The following FMN2 variants were observed in gnomAD, a reference collection of about 807,000 sequenced individuals.
FMN2 encodes formin 2.
A neutral mutation model predicts 142.3 loss-of-function variants in FMN2; 51 were observed. The observed-to-expected ratio is 0.36, with a 90% CI of 0.29 to 0.45. The LOEUF is 0.45. Among genes scored for constraint, FMN2 ranks in the 20% least tolerant of loss-of-function variants. The probability of loss-of-function intolerance (pLI) is 1.00; values close to 1 mark genes in which losing one functional copy is unlikely to be tolerated. For synonymous variants in FMN2, 882 were observed against 869.8 expected (o/e 1.01, Z -0.25); for missense variants, 1,936 against 2,122.8 (o/e 0.91, Z 1.73).
intron 8 of FMN2, among the ~76,000 whole-genome samples, chr1:240,319,790 A>G (rs1670908610): frequency 6.6e-6 from 1 of 151,900 alleles, no homozygotes; most frequent in African/African-American, 2.4e-5. Flanking sequence ...GAATGAGCCT[A>G]TTTCAGCATT....
At chr1:240,342,855 T>C (rs1243940658) in intron 13 of FMN2, among the ~76,000 whole-genome samples, 1 of 152,146 alleles carries the variant, frequency 6.6e-6, no homozygotes, top group Non-Finnish European at 1.5e-5. Context: ...ATAACCACTA[T>C]ACAGTATACA....
At chr1:240,452,967 T>C (rs1372559658) in intron 16 of FMN2, among the ~76,000 whole-genome samples, 2 of 152,156 alleles carry the variant, frequency 1.3e-5, no homozygotes, top group African/African-American at 2.4e-5. Context: ...AGCACGTGCT[T>C]GTAGGTTAAA....
At chr1:240,456,707 C>T (rs893694510) in intron 16 of FMN2, among the ~76,000 whole-genome samples, 11 of 152,192 alleles carry the variant, frequency 7.2e-5, no homozygotes, top group Non-Finnish European at 5.9e-5. Flanking sequence ...TCACACACCT[C>T]GGCCTCCCAA....
At chr1:240,254,603 G>T (rs1668389840) in intron 6 of FMN2, among the ~76,000 whole-genome samples, 2 of 152,086 alleles carry the variant, frequency 1.3e-5, no homozygotes, top group Admixed American at 1.3e-4. Flanking sequence ...ACTGTGTGGT[G>T]GCCCTGAGGC....
intron 2 of FMN2, among the ~76,000 whole-genome samples, chr1:240,135,127 G>A (rs761127160): frequency 7.9e-5 from 12 of 152,172 alleles, no homozygotes; most frequent in East Asian, 3.8e-4. Flanking sequence ...AGAATGAATC[G>A]TTTTGCTTTC....
At chr1:240,253,620 G>GCTGGAGAATTATTATGTTC in intron 6 of FMN2, among the ~76,000 whole-genome samples, 2 of 152,094 alleles carry the variant, frequency 1.3e-5, no homozygotes, top group African/African-American at 4.8e-5. Flanking sequence ...GGAATTTGTT[G>GCTGGAGAATTATTATGTTC]CTGGAGAATT....
At chr1:240,375,396 T>A (rs1011479906) in intron 14 of FMN2, among the ~76,000 whole-genome samples, 3 of 152,104 alleles carry the variant, frequency 2.0e-5, no homozygotes, top group African/African-American at 7.2e-5. Context: ...AATTAATACC[T>A]ACAAAGCACA....
intron 8 of FMN2, among the ~76,000 whole-genome samples, chr1:240,310,548 C>A (rs1205564942): frequency 2.6e-5 from 4 of 152,180 alleles, no homozygotes; most frequent in Admixed American, 1.3e-4. Context: ...CACATAGTTA[C>A]TAAATGCAGT....
At chr1:240,126,272 A>G (rs1461887233) in intron 2 of FMN2, among the ~76,000 whole-genome samples, 3 of 152,024 alleles carry the variant, frequency 2.0e-5, no homozygotes, top group Non-Finnish European at 4.4e-5. Flanking sequence ...GCTGTTGGGG[A>G]CATTTCTAAC....
At chr1:240,237,609 G>A (rs572813311) in intron 6 of FMN2, among the ~76,000 whole-genome samples, 42 of 152,250 alleles carry the variant, frequency 2.8e-4, no homozygotes, top group African/African-American at 9.1e-4. Context: ...ATTGAGTCAT[G>A]GTGTGGTGAC....
chr1:240,317,607 TG>T (rs1670833383), intron 8 of FMN2, among the ~76,000 whole-genome samples: 1 of 152,220 alleles, frequency 6.6e-6, no homozygotes, highest in African/African-American at 2.4e-5. Flanking sequence ...TAGTATTTCA[TG>T]GTATGAACAT....
At chr1:240,256,234 A>AT (rs111374382) in intron 6 of FMN2, among the ~76,000 whole-genome samples, 4,180 of 152,126 alleles carry the variant, frequency 0.027, 181 homozygotes, top group African/African-American at 0.096. Flanking sequence ...TTAAATTCCT[A>AT]CTTTTTAAGC....
intron 6 of FMN2, among the ~76,000 whole-genome samples, chr1:240,242,135 G>A (rs1305639588): frequency 2.6e-5 from 4 of 152,042 alleles, no homozygotes; most frequent in African/African-American, 4.8e-5. Context: ...GTGAGCCACC[G>A]CGCCCGGCTA....
intron 6 of FMN2, among the ~76,000 whole-genome samples, chr1:240,235,480 T>G (rs1462554746): frequency 6.6e-6 from 1 of 151,936 alleles, no homozygotes; most frequent in Non-Finnish European, 1.5e-5. Flanking sequence ...GGTGTGATCA[T>G]CGCTCACGAC....
At chr1:240,235,217 C>T (rs1667661953) in intron 6 of FMN2, among the ~76,000 whole-genome samples, 1 of 152,262 alleles carries the variant, frequency 6.6e-6, no homozygotes, top group South Asian at 2.1e-4. Context: ...TGACTTCTTT[C>T]TGTCCAGGGT....
intron 13 of FMN2, among the ~76,000 whole-genome samples, chr1:240,341,633 C>A (rs1671744744): frequency 6.6e-6 from 1 of 152,146 alleles, no homozygotes; most frequent in African/African-American, 2.4e-5. Flanking sequence ...TGATAGAGAC[C>A]TTCTATCAGT....
intron 2 of FMN2, among the ~76,000 whole-genome samples, chr1:240,159,368 C>A (rs896252691): frequency 6.6e-6 from 1 of 152,082 alleles, no homozygotes; most frequent in African/African-American, 2.4e-5. Flanking sequence ...AGGCTTGACA[C>A]TCTATTTTTT....
chr1:240,324,256 G>A (rs2103005059), intron 8 of FMN2, among the ~76,000 whole-genome samples: 1 of 152,252 alleles, frequency 6.6e-6, no homozygotes, highest in Non-Finnish European at 1.5e-5. Flanking sequence ...ACACTATTCT[G>A]GTGAAGTTAC....
chr1:240,388,397 C>T (rs567163607), intron 14 of FMN2, among the ~76,000 whole-genome samples: 129 of 152,172 alleles, frequency 8.5e-4, no homozygotes, highest in African/African-American at 3.0e-3. Flanking sequence ...CCAGGTTTGC[C>T]TGACTAAAGC....
Sources: gnomAD v4.1 joint callset for allele counts (sites outside exome capture counted in the v4.1 genomes callset) on GRCh38, gnomAD v4.1.1 for gene constraint, MANE v1.5 for transcripts, NCBI Gene and HGNC (gene_info 2026-07-23, HGNC 2026-07-21) for gene names.